Variants in BRINP3 observed in about 807,000 individuals in gnomAD.
BRINP3 encodes the protein BMP/retinoic acid inducible neural specific 3.
Under a neutral mutation model 71.0 loss-of-function variants are expected in BRINP3, and 19 were observed. The observed-to-expected ratio is 0.27, with a 90% CI of 0.19 to 0.39. BRINP3 has a LOEUF of 0.39. Ranked by LOEUF, BRINP3 falls within the 10% of genes least tolerant of loss-of-function variation. BRINP3 has a pLI of 1.00. For missense variants in BRINP3, 959 were observed against 940.8 expected, an observed-to-expected ratio of 1.02 and a Z score of -0.25; for synonymous variants, 380 against 337.7, an observed-to-expected ratio of 1.13 and a Z score of -1.37.
chr1:190,101,331 A>G (rs1651682208), intron 7 of BRINP3, among the ~76,000 whole-genome samples: 3 of 152,268 alleles, frequency 2.0e-5, no homozygotes, highest in South Asian at 4.1e-4. Flanking sequence ...TCAATATATG[A>G]GTGTCTCTGC....
chr1:190,356,010 C>T (rs1383637614), intron 2 of BRINP3, among the ~76,000 whole-genome samples: 1 of 151,906 alleles, frequency 6.6e-6, no homozygotes, highest in Non-Finnish European at 1.5e-5. Flanking sequence ...TATATATTCG[C>T]CTACATGTTT....
At chr1:190,292,163 G>A (rs1331481147) in intron 2 of BRINP3, among the ~76,000 whole-genome samples, 1 of 152,032 alleles carries the variant, frequency 6.6e-6, no homozygotes, top group Admixed American at 6.6e-5. Context: ...CCATGGGAGG[G>A]TTTGGAAAAT....
chr1:190,402,099 G>T lies in BRINP3; in HGVS notation c.236+52556C>A, dbSNP rs149207143. Among the ~76,000 whole-genome samples, 325 of 152,074 alleles carry T rather than the reference G, an allele frequency of 2.1e-3. 1 individual carries two copies. Among genetic ancestry groups the T allele is most frequent in the Non-Finnish European group, 3.0e-3 (201 of 67,952 alleles). On this transcript the variant is annotated intron_variant, in intron 2 of 7. Transcript: ENST00000367462. ...TACATAATCATACTTATCACTAGAA[G>T]AATAATCTTTTACTCTTGAAAATAA...
At chr1:190,144,761 C>T (rs1336987974) in intron 7 of BRINP3, among the ~76,000 whole-genome samples, 1 of 152,064 alleles carries the variant, frequency 6.6e-6, no homozygotes, top group African/African-American at 2.4e-5. Flanking sequence ...TGTCAGTCAT[C>T]CCCAATAACT....
chr1:190,415,205 G>C (rs1672934823), intron 2 of BRINP3, among the ~76,000 whole-genome samples: 1 of 152,080 alleles, frequency 6.6e-6, no homozygotes, highest in Admixed American at 6.6e-5. Flanking sequence ...CATAGCATCT[G>C]CAAGTTTGTT....
At chr1:190,127,802 C>G (rs1322119881) in intron 7 of BRINP3, among the ~76,000 whole-genome samples, 1 of 151,752 alleles carries the variant, frequency 6.6e-6, no homozygotes, top group Non-Finnish European at 1.5e-5. Flanking sequence ...GAAACTGAGT[C>G]CTTTCTAATT....
At chr1:190,334,800 C>G (rs1667183791) in intron 2 of BRINP3, among the ~76,000 whole-genome samples, 1 of 151,634 alleles carries the variant, frequency 6.6e-6, no homozygotes. Flanking sequence ...TGTAGTGGTT[C>G]TTGCAATATG....
intron 7 of BRINP3, among the ~76,000 whole-genome samples, chr1:190,130,276 A>G (rs575819202): frequency 6.6e-6 from 1 of 152,004 alleles, no homozygotes; most frequent in Non-Finnish European, 1.5e-5. Flanking sequence ...TTGAAAAATC[A>G]GGAGTCTACG....
At chr1:190,371,610 C>T (rs921366497) in intron 2 of BRINP3, among the ~76,000 whole-genome samples, 2 of 152,020 alleles carry the variant, frequency 1.3e-5, no homozygotes, top group Admixed American at 6.6e-5. Context: ...GGTAGTGTGA[C>T]GGCTACAGGG....
At chr1:190,127,772 G>A (rs2102340083) in intron 7 of BRINP3, among the ~76,000 whole-genome samples, 2 of 151,918 alleles carry the variant, frequency 1.3e-5, no homozygotes, top group Admixed American at 6.6e-5. Flanking sequence ...CCATCAGCCT[G>A]GCTATCTGAG....
At chr1:190,197,559 G>A (rs1437195041) in intron 6 of BRINP3, among the ~76,000 whole-genome samples, 1 of 152,104 alleles carries the variant, frequency 6.6e-6, no homozygotes, top group Admixed American at 6.5e-5. Context: ...AAAACGAAGG[G>A]GCAACAGGCC....
chr1:190,129,968 T>C (rs918510511), intron 7 of BRINP3, among the ~76,000 whole-genome samples: 1 of 152,018 alleles, frequency 6.6e-6, no homozygotes, highest in Non-Finnish European at 1.5e-5. Context: ...TCTGAATACA[T>C]ATCTCTACGT....
intron 7 of BRINP3, among the ~76,000 whole-genome samples, chr1:190,128,291 C>T (rs1052748019): frequency 4.6e-5 from 7 of 151,630 alleles, no homozygotes; most frequent in African/African-American, 1.7e-4. Flanking sequence ...GACTACTTTC[C>T]CAGACTTTAA....
chr1:190,111,199 A>AAAAAAAC (rs1553241586), intron 7 of BRINP3, among the ~76,000 whole-genome samples: 3 of 149,378 alleles, frequency 2.0e-5, no homozygotes, highest in African/African-American at 7.6e-5. Flanking sequence ...AAAAAAAAAA[A>AAAAAAAC]AAAAAAAAAC....
intron 3 of BRINP3, among the ~76,000 whole-genome samples, chr1:190,273,030 C>T (rs373937421): frequency 1.0e-4 from 15 of 147,776 alleles, no homozygotes; most frequent in East Asian, 4.0e-4. Context: ...GGAGAATAGG[C>T]CTTTCTTTCC....
intron 2 of BRINP3, among the ~76,000 whole-genome samples, chr1:190,426,856 T>A (rs1673741048): frequency 6.6e-6 from 1 of 151,870 alleles, no homozygotes; most frequent in Non-Finnish European, 1.5e-5. Flanking sequence ...AGCAAGTTAC[T>A]TAACTTTCTT....
At chr1:190,409,030 T>G (rs559628931) in intron 2 of BRINP3, among the ~76,000 whole-genome samples, 7 of 152,304 alleles carry the variant, frequency 4.6e-5, no homozygotes, top group Non-Finnish European at 8.8e-5. Context: ...GCAATGCATG[T>G]GATAATGCAT....
chr1:190,475,204 T>C (rs1003264110), intron 1 of BRINP3, among the ~76,000 whole-genome samples: 2 of 152,144 alleles, frequency 1.3e-5, no homozygotes, highest in Non-Finnish European at 2.9e-5. Flanking sequence ...TACTTCGCAG[T>C]CAGACAAGGA....
At chr1:190,332,334 G>T (rs1239014891) in intron 2 of BRINP3, among the ~76,000 whole-genome samples, 1 of 152,028 alleles carries the variant, frequency 6.6e-6, no homozygotes, top group African/African-American at 2.4e-5. Context: ...GAAAACTTGA[G>T]GGCTGTTGCC....
Sources: gnomAD v4.1 joint callset for allele counts (sites outside exome capture counted in the v4.1 genomes callset) on GRCh38, gnomAD v4.1.1 for gene constraint, MANE v1.5 for transcripts, NCBI Gene and HGNC (gene_info 2026-07-23, HGNC 2026-07-21) for gene names.